ACBD6: variants seen among roughly 807,000 people sequenced by gnomAD.
The protein encoded by ACBD6 is acyl-CoA binding domain containing 6, also known as acyl-CoA-binding domain-containing protein 6.
ACBD6 carries 28 observed loss-of-function variants against 37.2 expected under a neutral mutation model. That is an observed-to-expected ratio of 0.75 (90% CI 0.56 to 1.03). The LOEUF is 1.03. ACBD6 is among the 50% of genes least tolerant of loss of function. The pLI is 0.00. For missense variants in ACBD6, 340 were observed against 337.4 expected, an observed-to-expected ratio of 1.01 and a Z score of -0.06; for synonymous variants, 113 against 126.8, an observed-to-expected ratio of 0.89 and a Z score of 0.73.
At chr1:180,407,028 T>C (rs907664451) in intron 5 of ACBD6, among the ~76,000 whole-genome samples, 1 of 152,164 alleles carries the variant, frequency 6.6e-6, no homozygotes, top group Non-Finnish European at 1.5e-5. Context: ...TTAAATGTGA[T>C]GAAGCAATAC....
intron 3 of ACBD6, among the ~76,000 whole-genome samples, chr1:180,459,951 C>T (rs927256314): frequency 3.4e-5 from 5 of 146,856 alleles, no homozygotes; most frequent in Non-Finnish European, 7.4e-5. Context: ...TCTACAAAAG[C>T]ATGACCAGAC....
chr1:180,450,480 CG>C (rs1209645541), intron 3 of ACBD6, among the ~76,000 whole-genome samples: 2 of 152,258 alleles, frequency 1.3e-5, no homozygotes, highest in East Asian at 3.9e-4. Flanking sequence ...AAGACTCGGC[CG>C]GGTGCAGTGG....
At chr1:180,342,082 A>G (rs1396952456) in intron 6 of ACBD6, among the ~76,000 whole-genome samples, 2 of 152,104 alleles carry the variant, frequency 1.3e-5, no homozygotes, top group Non-Finnish European at 2.9e-5. Flanking sequence ...TCTACTGTTT[A>G]ATGTGAAATG....
intron 7 of ACBD6, among the ~76,000 whole-genome samples, chr1:180,310,992 C>G (rs1650570571): frequency 6.6e-6 from 1 of 152,134 alleles, no homozygotes; most frequent in Admixed American, 6.5e-5. Context: ...AGACATAAGA[C>G]AGCTTTTGTT....
rs1442176535 is a variant in ACBD6 at position 180,495,460 on chromosome 1, C to T, written c.287+1G>A. The T allele has an allele frequency of 1.3e-6, 2 of 1,598,700 alleles. No individual in the cohort carries two copies. Among genetic ancestry groups the T allele is most frequent in the African/African-American group, 2.7e-5 (2 of 74,162 alleles). The stretch of plus-strand genomic sequence containing the variant: ...CATTAAAGATTCCAGGAATTTCTTA[C>T]CATTTTTGCTTTCCTTCAAAATCAA... On this transcript the variant is annotated splice_donor_variant, in intron 2 of 7. Transcript: ENST00000367595. LOFTEE classifies it high-confidence loss of function.
intron 3 of ACBD6, among the ~76,000 whole-genome samples, chr1:180,449,105 T>G (rs1190077136): frequency 2.0e-5 from 3 of 152,214 alleles, no homozygotes; most frequent in African/African-American, 7.2e-5. Flanking sequence ...CCATTCTCTT[T>G]TCCATTATTT....
intron 6 of ACBD6, among the ~76,000 whole-genome samples, chr1:180,386,130 ACTG>A (rs1201232593): frequency 3.9e-5 from 6 of 152,232 alleles, no homozygotes; most frequent in African/African-American, 1.4e-4. Flanking sequence ...AGATTGCACC[ACTG>A]CACTCCAGCC....
intron 7 of ACBD6, among the ~76,000 whole-genome samples, chr1:180,309,006 T>C (rs1650490294): frequency 6.6e-6 from 1 of 152,178 alleles, no homozygotes; most frequent in Admixed American, 6.5e-5. Context: ...AATATATGCA[T>C]ATAGGTCCAA....
chr1:180,469,679 G>A (rs1650482078), intron 3 of ACBD6, among the ~76,000 whole-genome samples: 1 of 152,162 alleles, frequency 6.6e-6, no homozygotes, highest in Non-Finnish European at 1.5e-5. Context: ...TAAGGGAAAT[G>A]TATTAATGTT....
chr1:180,454,694 C>T (rs561746563), intron 3 of ACBD6, among the ~76,000 whole-genome samples: 4 of 152,158 alleles, frequency 2.6e-5, no homozygotes, highest in South Asian at 2.1e-4. Context: ...AAAACCCCAT[C>T]AAAAAGTGGG....
rs12060290 is a variant in ACBD6 at position 180,359,014 on chromosome 1, T to C, written c.663+38502A>G. ...TGATTTACCTATCCTTTGCTGAGGATAAAAAAAAGAAGAAAGGTGGTGCTG... is the reference window on the plus strand; with the variant it reads ...TGATTTACCTATCCTTTGCTGAGGACAAAAAAAAGAAGAAAGGTGGTGCTG... On this transcript the variant is annotated intron_variant, in intron 6 of 7. Coordinates refer to ENST00000367595, the MANE Select transcript of ACBD6 (RefSeq NM_032360.4). Among the ~76,000 whole-genome samples the C allele has an allele frequency of 7.1e-3, 1,080 of 152,036 alleles. 9 individuals are homozygous for C. The highest frequency in any genetic ancestry group is 0.024 in the African/African-American group (1,009 of 41,460).
intron 3 of ACBD6, among the ~76,000 whole-genome samples, chr1:180,446,656 G>A (rs1649488319): frequency 6.6e-6 from 1 of 151,996 alleles, no homozygotes; most frequent in Non-Finnish European, 1.5e-5. Context: ...TTCAAGAAAG[G>A]GGAACTCCAT....
At chr1:180,413,494 CT>C (rs761002169) in intron 4 of ACBD6, 23 bp from the exon 5 acceptor site, 8 of 1,499,622 alleles carry the variant, frequency 5.3e-6, no homozygotes, top group Non-Finnish European at 4.6e-6. Flanking sequence ...AAAGAAAGGT[CT>C]TTTTTTACTG....
exon 14 of ACBD6, chr1:180,270,987 AT>A (rs1418117272): frequency 3.2e-6 from 1 of 315,160 alleles, no homozygotes; most frequent in African/African-American, 2.2e-5. Flanking sequence ...GACTTTGAAC[AT>A]GACTTCAACC....
At chr1:180,313,842 T>C (rs1011351368) in intron 7 of ACBD6, among the ~76,000 whole-genome samples, 3 of 152,214 alleles carry the variant, frequency 2.0e-5, no homozygotes, top group Non-Finnish European at 4.4e-5. Context: ...ACACAGACTC[T>C]TTAAATCATA....
chr1:180,305,913 G>A (rs540778583), intron 7 of ACBD6, among the ~76,000 whole-genome samples: 1 of 152,052 alleles, frequency 6.6e-6, no homozygotes. Context: ...GGAATACTAT[G>A]CAGCCATAAA....
chr1:180,295,653 T>C (rs1449469857), intron 7 of ACBD6, among the ~76,000 whole-genome samples: 2 of 152,206 alleles, frequency 1.3e-5, no homozygotes, highest in Non-Finnish European at 2.9e-5. Flanking sequence ...AAACTTTTCA[T>C]TATTGTTATT....
At chr1:180,445,229 G>A (rs978962501) in intron 3 of ACBD6, among the ~76,000 whole-genome samples, 1 of 152,116 alleles carries the variant, frequency 6.6e-6, no homozygotes, top group African/African-American at 2.4e-5. Context: ...CAACGCAAAA[G>A]TGTTTCAGCA....
At chr1:180,475,490 G>A (rs187508364) in intron 3 of ACBD6, among the ~76,000 whole-genome samples, 69 of 152,206 alleles carry the variant, frequency 4.5e-4, no homozygotes, top group Non-Finnish European at 8.8e-4. Context: ...GGGCTCAAGC[G>A]ATCCTCCCAT....
Sources: allele counts gnomAD v4.1 joint callset (sites outside exome capture counted in the v4.1 genomes callset), GRCh38; gene constraint gnomAD v4.1.1; transcripts MANE v1.5; gene names NCBI Gene and HGNC (gene_info 2026-07-23, HGNC 2026-07-21).